The following XRCC4 variants were observed in gnomAD, a reference collection of about 807,000 sequenced individuals.
XRCC4 encodes the protein X-ray repair cross complementing 4.
Under a neutral mutation model 39.1 loss-of-function variants are expected in XRCC4, and 28 were observed. That is an observed-to-expected ratio of 0.72 (90% CI 0.53 to 0.98). The LOEUF is 0.98. Ranked by LOEUF, XRCC4 falls within the 50% of genes least tolerant of loss-of-function variation. The pLI is 0.00. For synonymous variants in XRCC4, 123 were observed against 126.4 expected, an observed-to-expected ratio of 0.97 and a Z score of 0.18; for missense variants, 350 against 376.4, an observed-to-expected ratio of 0.93 and a Z score of 0.58.
chr5:83,144,428 A>G (rs929890817), intron 3 of XRCC4, among the ~76,000 whole-genome samples: 2 of 151,796 alleles, frequency 1.3e-5, no homozygotes, highest in African/African-American at 4.8e-5. Flanking sequence ...CCTAATGACT[A>G]TTTCTCAGAA....
intron 7 of XRCC4, among the ~76,000 whole-genome samples, chr5:83,351,742 C>T (rs944880470): frequency 6.6e-6 from 1 of 152,134 alleles, no homozygotes; most frequent in Non-Finnish European, 1.5e-5. Flanking sequence ...TTGGCTTGCT[C>T]AGAATAAGAC....
At chr5:83,370,158 A>G in the XRCC4 span, among the ~76,000 whole-genome samples, 163 of 152,296 alleles carry the variant, frequency 1.1e-3, 1 homozygote, top group Admixed American at 4.7e-3. Context: ...TAGTTCTCCT[A>G]AACTTTCCTT....
intron 3 of XRCC4, among the ~76,000 whole-genome samples, chr5:83,114,350 C>T (rs1230803371): frequency 1.3e-5 from 2 of 152,146 alleles, no homozygotes; most frequent in African/African-American, 2.4e-5. Flanking sequence ...TTTTTTATTG[C>T]ATCGTCAGGC....
At chr5:83,330,261 A>G (rs1756396210) in intron 7 of XRCC4, among the ~76,000 whole-genome samples, 1 of 152,098 alleles carries the variant, frequency 6.6e-6, no homozygotes, top group African/African-American at 2.4e-5. Context: ...AATTCATACT[A>G]TGCAAAGAGA....
At chr5:83,204,380 A>G (rs1214515715) in intron 5 of XRCC4, among the ~76,000 whole-genome samples, 1 of 152,092 alleles carries the variant, frequency 6.6e-6, no homozygotes, top group Non-Finnish European at 1.5e-5. Context: ...AGTCATACCT[A>G]TTAGTTTATA....
chr5:83,361,080 G>C, the XRCC4 span, among the ~76,000 whole-genome samples: 4 of 152,124 alleles, frequency 2.6e-5, no homozygotes, highest in Non-Finnish European at 4.4e-5. Flanking sequence ...GCTATTGACT[G>C]TGTGACTTAC....
Position 83,225,661 on chromosome 5 carries a change from A to AG in XRCC4, c.745+20742dup, listed in dbSNP as rs544734104. Among the ~76,000 whole-genome samples the AG allele has an allele frequency of 1.7e-4, 26 of 149,126 alleles. No individual in the cohort carries two copies. The South Asian group carries it at 4.8e-3, about 27-fold the overall frequency. On this transcript the variant is annotated intron_variant, in intron 6 of 7. Coordinates refer to ENST00000396027, the MANE Select transcript of XRCC4 (RefSeq NM_003401.5). ...TGGATTTATCTCTGGGGTGAGCTGG[A>AG]GGAATGTTGCATGAAGTGAACTCTG... is the stretch of plus-strand genomic sequence containing the variant.
At chr5:83,089,471 C>G (rs932562317) in intron 1 of XRCC4, among the ~76,000 whole-genome samples, 1 of 152,188 alleles carries the variant, frequency 6.6e-6, no homozygotes, top group African/African-American at 2.4e-5. Flanking sequence ...AATCATAACT[C>G]CAATTCTCTA....
intron 7 of XRCC4, among the ~76,000 whole-genome samples, chr5:83,316,410 G>A (rs1224414864): frequency 6.6e-6 from 1 of 151,436 alleles, no homozygotes; most frequent in Non-Finnish European, 1.5e-5. Context: ...AGACTGGCAA[G>A]TTGGATAAAG....
chr5:83,096,378 T>C (rs749924161), intron 1 of XRCC4, among the ~76,000 whole-genome samples: 26 of 152,126 alleles, frequency 1.7e-4, no homozygotes, highest in South Asian at 4.1e-4. Flanking sequence ...CTGATGTTGG[T>C]GGGCTGACCG....
intron 7 of XRCC4, among the ~76,000 whole-genome samples, chr5:83,275,017 G>C (rs1463633786): frequency 6.6e-6 from 1 of 152,178 alleles, no homozygotes; most frequent in Non-Finnish European, 1.5e-5. Flanking sequence ...AGATCAGTTA[G>C]GAGGTTTTAA....
intron 3 of XRCC4, among the ~76,000 whole-genome samples, chr5:83,150,931 T>G (rs140762216): frequency 1.6e-3 from 241 of 152,214 alleles, no homozygotes; most frequent in East Asian, 4.2e-3. Context: ...ATGAGGGTTT[T>G]GTTTTGTTTT....
intron 6 of XRCC4, among the ~76,000 whole-genome samples, chr5:83,223,032 G>A (rs752760173): frequency 2.0e-5 from 3 of 152,148 alleles, no homozygotes; most frequent in Non-Finnish European, 2.9e-5. Flanking sequence ...ACAGGTGTGA[G>A]CCTTCGTGCC....
intron 7 of XRCC4, among the ~76,000 whole-genome samples, chr5:83,282,759 A>T (rs1389158534): frequency 6.6e-6 from 1 of 152,022 alleles, no homozygotes; most frequent in Non-Finnish European, 1.5e-5. Context: ...GGAGAATGGC[A>T]CGAACCCGGA....
intron 3 of XRCC4, among the ~76,000 whole-genome samples, chr5:83,139,348 A>G (rs943258241): frequency 9.2e-5 from 14 of 152,216 alleles, no homozygotes; most frequent in African/African-American, 3.1e-4. Context: ...AGTGTAACAT[A>G]TTAGAGGATA....
chr5:83,183,412 TTGTGTG>T (rs369446374), intron 3 of XRCC4, among the ~76,000 whole-genome samples: 5,663 of 139,318 alleles, frequency 0.041, 150 homozygotes, highest in East Asian at 0.075. Context: ...TTTCATTTAT[TTGTGTG>T]TGTGTGTGTG....
intron 6 of XRCC4, among the ~76,000 whole-genome samples, chr5:83,218,355 C>A (rs1182499991): frequency 6.6e-6 from 1 of 151,700 alleles, no homozygotes; most frequent in Non-Finnish European, 1.5e-5. Context: ...GTGTTCCCTG[C>A]AACCTATGTG....
chr5:83,194,992 AATC>A (rs543960467), intron 3 of XRCC4, among the ~76,000 whole-genome samples: 192 of 152,262 alleles, frequency 1.3e-3, no homozygotes, highest in African/African-American at 4.4e-3. Context: ...ACTGAATAAT[AATC>A]ATCATAATTT....
At chr5:83,230,527 AT>A (rs1016896503) in intron 6 of XRCC4, among the ~76,000 whole-genome samples, 4 of 152,022 alleles carry the variant, frequency 2.6e-5, no homozygotes, top group African/African-American at 9.7e-5. Context: ...TTAAAATTTA[AT>A]TTTTTTAACT....
Sources: allele counts gnomAD v4.1 joint callset (sites outside exome capture counted in the v4.1 genomes callset), GRCh38; gene constraint gnomAD v4.1.1; transcripts MANE v1.5; gene names NCBI Gene and HGNC (gene_info 2026-07-23, HGNC 2026-07-21).